The following AOPEP variants were observed in gnomAD, a reference collection of about 807,000 sequenced individuals.
The protein encoded by AOPEP is aminopeptidase O.
A neutral mutation model predicts 98.1 loss-of-function variants in AOPEP; 77 were observed. The ratio of observed to expected loss-of-function variants is 0.78; its 90% CI spans 0.65 to 0.95. AOPEP has a LOEUF of 0.95. Among genes scored for constraint, AOPEP ranks in the 40% least tolerant of loss-of-function variants. The pLI is 0.00. For missense variants in AOPEP, 1,024 were observed against 1,024.7 expected, an observed-to-expected ratio of 1.00 and a Z score of 0.01; for synonymous variants, 346 against 365.3, an observed-to-expected ratio of 0.95 and a Z score of 0.60.
At chr9:94,857,336 T>C (rs571268189) in intron 5 of AOPEP, among the ~76,000 whole-genome samples, 1 of 152,310 alleles carries the variant, frequency 6.6e-6, no homozygotes, top group South Asian at 2.1e-4. Flanking sequence ...TCATGTATGT[T>C]CATCTTAAAC....
intron 11 of AOPEP, among the ~76,000 whole-genome samples, chr9:94,987,797 A>G (rs755992776): frequency 5.9e-5 from 9 of 152,168 alleles, no homozygotes; most frequent in Non-Finnish European, 1.2e-4. Context: ...CATAGAGGGC[A>G]GGATCTGTGA....
intron 5 of AOPEP, among the ~76,000 whole-genome samples, chr9:94,822,062 A>G (rs1253822813): frequency 6.6e-6 from 1 of 152,094 alleles, no homozygotes; most frequent in African/African-American, 2.4e-5. Context: ...CTATAGACAC[A>G]CAGAAATACA....
intron 6 of AOPEP, among the ~76,000 whole-genome samples, chr9:94,924,472 G>T (rs992263230): frequency 1.4e-4 from 21 of 152,218 alleles, no homozygotes; most frequent in Non-Finnish European, 2.1e-4. Flanking sequence ...GTAAGAGAAG[G>T]CCTCTCTGAT....
chr9:95,005,025 G>C (rs1174208625), intron 11 of AOPEP, 133 bp from the exon 12 acceptor site: 3 of 238,052 alleles, frequency 1.3e-5, no homozygotes, highest in Non-Finnish European at 2.1e-5. Flanking sequence ...CAGGGCGCGG[G>C]CTCCGGCGCC....
chr9:95,045,384 G>C (rs2065761311), intron 13 of AOPEP, among the ~76,000 whole-genome samples: 1 of 152,244 alleles, frequency 6.6e-6, no homozygotes, highest in Non-Finnish European at 1.5e-5. Flanking sequence ...TGCGGACAGG[G>C]GTCGGTGAGA....
intron 5 of AOPEP, among the ~76,000 whole-genome samples, chr9:94,889,844 G>A (rs1420430729): frequency 1.3e-5 from 2 of 152,116 alleles, no homozygotes; most frequent in South Asian, 2.1e-4. Flanking sequence ...ATCATTTAGT[G>A]TTACCACTTT....
chr9:95,081,059 G>T (rs1450172221), intron 15 of AOPEP, among the ~76,000 whole-genome samples: 2 of 152,204 alleles, frequency 1.3e-5, no homozygotes, highest in African/African-American at 4.8e-5. Flanking sequence ...TCCAGCACCT[G>T]CTAGGCCATG....
In AOPEP at chr9:94,836,221, A is replaced by G. The variant is rs148267077; in HGVS notation, c.1364+35219A>G. Among the ~76,000 whole-genome samples, 73 of 152,292 alleles carry G rather than the reference A, an allele frequency of 4.8e-4. No individual in the cohort carries two copies. The East Asian group carries it at 0.013, about 26-fold the overall frequency. On this transcript the variant is annotated intron_variant, in intron 5 of 16. Transcript: ENST00000375315. Reference sequence around the variant, plus strand: ...AGCACAGGCTTTTGTGTGAACATAAATTTTTACTTCTCTAGAGTAAATATC... The same window carrying G: ...AGCACAGGCTTTTGTGTGAACATAAGTTTTTACTTCTCTAGAGTAAATATC...
intron 1 of AOPEP, among the ~76,000 whole-genome samples, chr9:94,729,859 C>G (rs758517393): frequency 2.0e-5 from 3 of 152,044 alleles, no homozygotes; most frequent in Non-Finnish European, 4.4e-5. Flanking sequence ...AATGTTAAAG[C>G]TAAGGGACTG....
At chr9:94,793,607 G>A (rs968680011) in intron 4 of AOPEP, among the ~76,000 whole-genome samples, 1 of 151,862 alleles carries the variant, frequency 6.6e-6, no homozygotes, top group Non-Finnish European at 1.5e-5. Flanking sequence ...AACCTGGGAG[G>A]TAGAGGTTGC....
intron 5 of AOPEP, 103 bp from the exon 6 acceptor site, chr9:94,923,883 A>G (rs1588907115): frequency 2.9e-6 from 2 of 689,624 alleles, no homozygotes; most frequent in Non-Finnish European, 4.3e-6. Context: ...TAGCATGCAC[A>G]TGATAATAAC....
chr9:94,976,032 C>G (rs2059818304), intron 10 of AOPEP, among the ~76,000 whole-genome samples: 1 of 152,218 alleles, frequency 6.6e-6, no homozygotes, highest in African/African-American at 2.4e-5. Flanking sequence ...GGAAGCCTCT[C>G]CTGATGCACC....
chr9:94,896,285 T>A (rs1290063635), intron 5 of AOPEP, among the ~76,000 whole-genome samples: 4 of 152,228 alleles, frequency 2.6e-5, no homozygotes, highest in Admixed American at 6.5e-5. Flanking sequence ...GAAATGCTTA[T>A]GAGTCTATAT....
chr9:95,121,519 A>T, the AOPEP span, among the ~76,000 whole-genome samples: 1 of 152,254 alleles, frequency 6.6e-6, no homozygotes, highest in African/African-American at 2.4e-5. Flanking sequence ...TTCCACTCCT[A>T]AGTATCTATC....
At chr9:94,943,941 A>C (rs1222115357) in intron 7 of AOPEP, among the ~76,000 whole-genome samples, 1 of 148,882 alleles carries the variant, frequency 6.7e-6, no homozygotes, top group African/African-American at 2.6e-5. Flanking sequence ...AAAAAAAAAA[A>C]AAAAAACAGG....
intron 5 of AOPEP, among the ~76,000 whole-genome samples, chr9:94,844,767 G>A (rs781230935): frequency 1.3e-5 from 2 of 152,180 alleles, no homozygotes; most frequent in Non-Finnish European, 2.9e-5. Flanking sequence ...AGAACTCATA[G>A]TCTCAGGGGG....
chr9:94,982,777 C>T (rs1035262931), intron 11 of AOPEP, among the ~76,000 whole-genome samples: 1 of 152,090 alleles, frequency 6.6e-6, no homozygotes, highest in African/African-American at 2.4e-5. Context: ...TATTATTGTA[C>T]AGTTATTCTC....
intron 11 of AOPEP, among the ~76,000 whole-genome samples, chr9:95,004,740 C>T (rs2061813872): frequency 7.4e-6 from 1 of 134,684 alleles, no homozygotes; most frequent in Non-Finnish European, 1.6e-5. Context: ...TGCGCGGGGG[C>T]GCGGGGCGGC....
At chr9:95,106,949 G>A in the AOPEP span, 1 of 1,001,358 alleles carries the variant, frequency 1.0e-6, no homozygotes, top group Non-Finnish European at 1.5e-6. Context: ...CCATTTATCT[G>A]TGCTGGGCAG....
Sources: gnomAD v4.1 joint callset for allele counts (sites outside exome capture counted in the v4.1 genomes callset) on GRCh38, gnomAD v4.1.1 for gene constraint, MANE v1.5 for transcripts, NCBI Gene and HGNC (gene_info 2026-07-23, HGNC 2026-07-21) for gene names.